Variants in KHDRBS2 observed in about 807,000 individuals in gnomAD.
KHDRBS2 encodes KH RNA binding domain containing, signal transduction associated 2.
In KHDRBS2, 26 loss-of-function variants were observed where a neutral mutation model predicts 44.3. The observed-to-expected ratio is 0.59, with a 90% confidence interval of 0.43 to 0.81. KHDRBS2 has a LOEUF of 0.81. Among genes scored for constraint, KHDRBS2 ranks in the 40% least tolerant of loss-of-function variants. KHDRBS2 has a pLI of 0.00. For missense variants in KHDRBS2, 476 were observed against 433.1 expected (o/e 1.10, Z -0.88); for synonymous variants, 194 against 151.1 (o/e 1.28, Z -2.08).
chr6:62,286,013 T>C lies in KHDRBS2; in HGVS notation c.-65A>G. The C allele has an allele frequency of 9.9e-7, 1 of 1,006,264 alleles. No individual in the cohort carries two copies. The allele number at this position is 1,006,264 out of a possible 1,614,324, so 62.3% of individuals were successfully genotyped here. A position where few individuals can be genotyped will look rare whatever the true frequency, so the allele number is the denominator to read the frequency against. On this transcript the variant is annotated 5_prime_UTR_variant, in exon 1 of 9. Transcript: ENST00000281156. The stretch of plus-strand genomic sequence containing the variant: ...TCCGCTCGCTCGGACGCAGGCAGGG[T>C]CTTGGGGCAGCGCCTGGCTCCCGCG...
chr6:62,003,001 T>C (rs1359114311), intron 3 of KHDRBS2, among the ~76,000 whole-genome samples: 1 of 152,150 alleles, frequency 6.6e-6, no homozygotes, highest in African/African-American at 2.4e-5. Flanking sequence ...AAAAATTTCA[T>C]AGTTAAACCT....
intron 6 of KHDRBS2, among the ~76,000 whole-genome samples, chr6:61,821,473 T>C (rs1181689165): frequency 1.3e-5 from 2 of 152,018 alleles, no homozygotes; most frequent in Non-Finnish European, 2.9e-5. Context: ...TGTGGAAACA[T>C]TTTAATGCTA....
chr6:61,681,565 A>C (rs2127537840), intron 8 of KHDRBS2, among the ~76,000 whole-genome samples: 1 of 152,008 alleles, frequency 6.6e-6, no homozygotes, highest in Admixed American at 6.6e-5. Context: ...CCATTGTGTT[A>C]AATTGTATAG....
intron 6 of KHDRBS2, among the ~76,000 whole-genome samples, chr6:61,759,197 A>T (rs1418852614): frequency 1.3e-5 from 2 of 152,154 alleles, no homozygotes; most frequent in Non-Finnish European, 2.9e-5. Flanking sequence ...TTAACTAGAC[A>T]TCTGCTTGTA....
At chr6:61,732,858 T>C (rs916339603) in intron 6 of KHDRBS2, 94 bp from the exon 7 acceptor site, 2 of 740,386 alleles carry the variant, frequency 2.7e-6, no homozygotes, top group South Asian at 1.5e-5. Flanking sequence ...GTGATCTTGG[T>C]TTAGATTTCA....
chr6:61,988,984 G>T (rs893941840), intron 3 of KHDRBS2, among the ~76,000 whole-genome samples: 2 of 152,112 alleles, frequency 1.3e-5, no homozygotes, highest in African/African-American at 2.4e-5. Context: ...AAGTTGAGGA[G>T]ATGAAATTCA....
intron 2 of KHDRBS2, among the ~76,000 whole-genome samples, chr6:62,059,485 T>C (rs980425138): frequency 6.6e-6 from 1 of 151,336 alleles, no homozygotes; most frequent in Non-Finnish European, 1.5e-5. Flanking sequence ...CAATAAGACA[T>C]GGCAATTTAT....
At chr6:62,155,403 G>T (rs1331473397) in intron 2 of KHDRBS2, among the ~76,000 whole-genome samples, 1 of 152,158 alleles carries the variant, frequency 6.6e-6, no homozygotes, top group Non-Finnish European at 1.5e-5. Flanking sequence ...TATAAATCTG[G>T]AGGTCAAGAA....
chr6:61,953,052 A>G (rs1765101472), intron 4 of KHDRBS2, among the ~76,000 whole-genome samples: 1 of 152,024 alleles, frequency 6.6e-6, no homozygotes, highest in South Asian at 2.1e-4. Context: ...AAAATAACTC[A>G]GAGTTAAAAA....
At chr6:61,544,090 A>C in the KHDRBS2 span, among the ~76,000 whole-genome samples, 1 of 152,116 alleles carries the variant, frequency 6.6e-6, no homozygotes, top group East Asian at 1.9e-4. Flanking sequence ...TGTACATTTA[A>C]AAATAACTAA....
At chr6:61,572,424 T>C in the KHDRBS2 span, among the ~76,000 whole-genome samples, 1 of 152,062 alleles carries the variant, frequency 6.6e-6, no homozygotes, top group East Asian at 1.9e-4. Flanking sequence ...CTTACTGAAA[T>C]TATTTCAAAA....
chr6:62,269,643 G>A (rs1839759517), intron 1 of KHDRBS2, among the ~76,000 whole-genome samples: 1 of 152,000 alleles, frequency 6.6e-6, no homozygotes, highest in African/African-American at 2.4e-5. Context: ...GTAAGACAGT[G>A]AGATAGTATA....
intron 2 of KHDRBS2, among the ~76,000 whole-genome samples, chr6:62,111,484 A>G (rs1804975279): frequency 6.6e-6 from 1 of 152,122 alleles, no homozygotes; most frequent in Non-Finnish European, 1.5e-5. Flanking sequence ...ATTGAACAGT[A>G]CATTTAGGCA....
At chr6:61,689,404 T>G (rs1582171837) in intron 8 of KHDRBS2, among the ~76,000 whole-genome samples, 1 of 152,004 alleles carries the variant, frequency 6.6e-6, no homozygotes, top group African/African-American at 2.4e-5. Flanking sequence ...GAAGTAAGAA[T>G]AGCCTGGAGT....
intron 6 of KHDRBS2, among the ~76,000 whole-genome samples, chr6:61,844,586 A>T (rs1455001269): frequency 6.6e-6 from 1 of 152,164 alleles, no homozygotes; most frequent in Non-Finnish European, 1.5e-5. Flanking sequence ...CACAGGTAAT[A>T]CAAAATCTCA....
intron 2 of KHDRBS2, among the ~76,000 whole-genome samples, chr6:62,156,928 G>A (rs1216021852): frequency 5.4e-5 from 8 of 147,546 alleles, no homozygotes; most frequent in East Asian, 2.0e-4. Context: ...CTCGTGATCC[G>A]CCCGCCTCGG....
chr6:62,064,182 T>C (rs971798432), intron 2 of KHDRBS2, among the ~76,000 whole-genome samples: 1 of 110,014 alleles, frequency 9.1e-6, no homozygotes, highest in African/African-American at 3.0e-5. Context: ...GAAGAATCAA[T>C]ATTGTGAAAA....
chr6:61,707,608 G>A (rs1769805139), intron 7 of KHDRBS2, among the ~76,000 whole-genome samples: 1 of 151,722 alleles, frequency 6.6e-6, no homozygotes, highest in Admixed American at 6.6e-5. Context: ...CCACATTCAA[G>A]CAAGCTTGAA....
intron 1 of KHDRBS2, among the ~76,000 whole-genome samples, chr6:62,225,750 A>T (rs1831682039): frequency 7.5e-6 from 1 of 133,780 alleles, no homozygotes; most frequent in Admixed American, 8.5e-5. Flanking sequence ...ATGTGTTCTC[A>T]TTGTTCAACT....
Sources: gnomAD v4.1 joint callset for allele counts (sites outside exome capture counted in the v4.1 genomes callset) on GRCh38, gnomAD v4.1.1 for gene constraint, MANE v1.5 for transcripts, NCBI Gene and HGNC (gene_info 2026-07-23, HGNC 2026-07-21) for gene names.